LPP: variants seen among roughly 807,000 people sequenced by gnomAD.
LPP encodes the protein lipoma-preferred partner.
A neutral mutation model predicts 60.4 loss-of-function variants in LPP; 38 were observed. The observed-to-expected ratio is 0.63, with a 90% confidence interval of 0.49 to 0.83. The LOEUF (loss-of-function observed/expected upper bound fraction) is 0.83, where lower values mean the gene tolerates loss of function less well. Among genes scored for constraint, LPP ranks in the 40% least tolerant of loss-of-function variants. The pLI, the probability that LPP is intolerant of heterozygous loss-of-function variation, is 0.00. For missense variants in LPP, 902 were observed against 783.6 expected (o/e 1.15, Z -1.80); for synonymous variants, 328 against 290.8 (o/e 1.13, Z -1.30).
intron 2 of LPP, among the ~76,000 whole-genome samples, chr3:188,276,018 GC>G (rs772467885): frequency 6.6e-6 from 1 of 152,188 alleles, no homozygotes; most frequent in African/African-American, 2.4e-5. Context: ...AGAAAACAAA[GC>G]CTGCTGTAGT....
At chr3:188,237,974 G>A (rs1722515202) in intron 2 of LPP, among the ~76,000 whole-genome samples, 1 of 152,164 alleles carries the variant, frequency 6.6e-6, no homozygotes, top group Admixed American at 6.5e-5. Context: ...TTCAATATAA[G>A]CCTGTTTCAT....
chr3:188,198,539 G>A (rs1245400430), intron 1 of LPP, among the ~76,000 whole-genome samples: 5 of 152,148 alleles, frequency 3.3e-5, no homozygotes, highest in Non-Finnish European at 7.3e-5. Flanking sequence ...CTCCTCACAC[G>A]ACCTCTCATC....
intron 1 of LPP, among the ~76,000 whole-genome samples, chr3:188,211,186 T>C (rs1734594547): frequency 6.6e-6 from 1 of 152,176 alleles, no homozygotes; most frequent in Admixed American, 6.5e-5. Context: ...ATGAAAAATA[T>C]GTAAGCTACA....
intron 2 of LPP, among the ~76,000 whole-genome samples, chr3:188,274,298 CATG>C (rs1383941592): frequency 6.6e-6 from 1 of 152,180 alleles, no homozygotes; most frequent in Admixed American, 6.5e-5. Context: ...TGTTTCTGCA[CATG>C]ATATTTAAAA....
At chr3:188,508,798 C>T (rs565391647) in intron 5 of LPP, among the ~76,000 whole-genome samples, 5 of 152,186 alleles carry the variant, frequency 3.3e-5, no homozygotes, top group African/African-American at 1.2e-4. Flanking sequence ...GTAAAGAATT[C>T]TTTAATGTGT....
intron 7 of LPP, among the ~76,000 whole-genome samples, chr3:188,685,008 C>T (rs1377572679): frequency 6.6e-6 from 1 of 152,174 alleles, no homozygotes; most frequent in Non-Finnish European, 1.5e-5. Context: ...AAGCACTGTT[C>T]CATGTGTTTT....
In LPP at chr3:188,243,673, C is replaced by T. The variant is rs535790865; in HGVS notation, c.-67+18146C>T. On this transcript the variant is annotated intron_variant, in intron 2 of 11. Transcript: ENST00000617246. ...GAGAATGAGGCCATAGACCACCACA[C>T]TGGCAGCACTGAGCAAAAGGTGCTA... is the stretch of plus-strand genomic sequence containing the variant. 1.8e-4 allele frequency among the ~76,000 whole-genome samples: 28 copies of T among 152,208 alleles called. 1 individual carries two copies. In the South Asian group the frequency reaches 5.6e-3, roughly 30 times the overall value.
intron 3 of LPP, among the ~76,000 whole-genome samples, chr3:188,393,124 G>A (rs549370204): frequency 8.2e-4 from 124 of 151,198 alleles, no homozygotes; most frequent in Non-Finnish European, 9.6e-4. Context: ...TGATAATCTC[G>A]TATGTGTGGG....
intron 4 of LPP, among the ~76,000 whole-genome samples, chr3:188,481,393 G>A (rs560121604): frequency 1.3e-5 from 2 of 152,300 alleles, no homozygotes; most frequent in East Asian, 1.9e-4. Context: ...ATAATTATGT[G>A]TTTATCACGA....
intron 8 of LPP, among the ~76,000 whole-genome samples, chr3:188,736,404 A>G (rs1245622605): frequency 1.3e-5 from 2 of 152,212 alleles, no homozygotes; most frequent in Non-Finnish European, 2.9e-5. Flanking sequence ...ATTCTTAAGT[A>G]GATAAATACA....
chr3:188,371,466 C>T (rs13076312), intron 3 of LPP, among the ~76,000 whole-genome samples: 67,319 of 149,796 alleles, frequency 0.45, 15,499 homozygotes, highest in East Asian at 0.66. Flanking sequence ...TCAGACATGC[C>T]ACTGGAACTG....
At chr3:188,289,748 G>T (rs1391749815) in intron 2 of LPP, among the ~76,000 whole-genome samples, 1 of 152,152 alleles carries the variant, frequency 6.6e-6, no homozygotes, top group Non-Finnish European at 1.5e-5. Flanking sequence ...GAACCTGGAT[G>T]TTTAGAGAGA....
At chr3:188,496,600 G>C (rs1472594548) in intron 5 of LPP, among the ~76,000 whole-genome samples, 1 of 152,138 alleles carries the variant, frequency 6.6e-6, no homozygotes, top group African/African-American at 2.4e-5. Context: ...TCCCAGGCAG[G>C]GATGAAGCTC....
chr3:188,686,950 C>G (rs1267778842), intron 7 of LPP, among the ~76,000 whole-genome samples: 1 of 152,138 alleles, frequency 6.6e-6, no homozygotes, highest in Non-Finnish European at 1.5e-5. Context: ...GGCTTTAAGA[C>G]TTCAACTTGA....
intron 6 of LPP, among the ~76,000 whole-genome samples, chr3:188,563,695 A>C (rs997910619): frequency 1.3e-5 from 2 of 150,830 alleles, no homozygotes; most frequent in Non-Finnish European, 3.0e-5. Flanking sequence ...TGTACATGTG[A>C]ATCCAGAATT....
chr3:188,280,326 G>A (rs548666318), intron 2 of LPP, among the ~76,000 whole-genome samples: 11 of 152,266 alleles, frequency 7.2e-5, no homozygotes, highest in Admixed American at 2.0e-4. Flanking sequence ...GGGTGGAATC[G>A]ACATCATTAG....
At chr3:188,490,623 C>T (rs529952633) in intron 5 of LPP, among the ~76,000 whole-genome samples, 1 of 152,060 alleles carries the variant, frequency 6.6e-6, no homozygotes, top group African/African-American at 2.4e-5. Flanking sequence ...CTCGGCCCCA[C>T]GAAGTGCTAG....
At chr3:188,365,315 A>T (rs1199882745) in intron 3 of LPP, among the ~76,000 whole-genome samples, 2 of 152,214 alleles carry the variant, frequency 1.3e-5, no homozygotes, top group East Asian at 3.8e-4. Context: ...TTTCCTGTAG[A>T]AGGTCATTAT....
intron 4 of LPP, among the ~76,000 whole-genome samples, chr3:188,444,755 C>T (rs1210150012): frequency 6.6e-6 from 1 of 151,946 alleles, no homozygotes; most frequent in Non-Finnish European, 1.5e-5. Context: ...GGCTAATATC[C>T]AGAATCTACA....
Sources: allele counts gnomAD v4.1 joint callset (sites outside exome capture counted in the v4.1 genomes callset), GRCh38; gene constraint gnomAD v4.1.1; transcripts MANE v1.5; gene names NCBI Gene and HGNC (gene_info 2026-07-23, HGNC 2026-07-21).